Variants in MANBA observed in about 807,000 individuals in gnomAD.
The protein encoded by MANBA is beta-mannosidase.
Under a neutral mutation model 111.1 loss-of-function variants are expected in MANBA, and 83 were observed. The ratio of observed to expected loss-of-function variants is 0.75; its 90% CI spans 0.63 to 0.90. The LOEUF (loss-of-function observed/expected upper bound fraction) is 0.90, where lower values mean the gene tolerates loss of function less well. Among genes scored for constraint, MANBA ranks in the 40% least tolerant of loss-of-function variants. The pLI is 0.00. For missense variants in MANBA, 1,036 were observed against 1,069.0 expected (o/e 0.97, Z 0.43); for synonymous variants, 370 against 378.7 (o/e 0.98, Z 0.27).
intron 1 of MANBA, chr4:102,730,186 T>G (rs1578945737): frequency 1.2e-6 from 1 of 805,350 alleles, no homozygotes; most frequent in Non-Finnish European, 1.9e-6. Flanking sequence ...GAGGCAGGAG[T>G]GGGGGCAGGA....
chr4:102,735,289 G>A (rs1723173348), intron 1 of MANBA, among the ~76,000 whole-genome samples: 1 of 152,066 alleles, frequency 6.6e-6, no homozygotes, highest in Admixed American at 6.5e-5. Flanking sequence ...CTTCTGAAAT[G>A]GGAGGCTCAT....
At chr4:102,683,125 A>T (rs956393011) in intron 7 of MANBA, among the ~76,000 whole-genome samples, 14 of 152,036 alleles carry the variant, frequency 9.2e-5, no homozygotes, top group Non-Finnish European at 1.9e-4. Context: ...TGCAATTTGC[A>T]AAGATGAAGA....
intron 8 of MANBA, among the ~76,000 whole-genome samples, chr4:102,673,688 C>A (rs748587877): frequency 6.6e-6 from 1 of 152,106 alleles, no homozygotes; most frequent in African/African-American, 2.4e-5. Context: ...TTCTAAAAAT[C>A]GAATGGCTTC....
chr4:102,659,612 A>T (rs1339285082), intron 11 of MANBA, among the ~76,000 whole-genome samples: 1 of 152,102 alleles, frequency 6.6e-6, no homozygotes, highest in African/African-American at 2.4e-5. Flanking sequence ...TCCTAATAAA[A>T]AGTCCCTTTG....
chr4:102,753,636 GAC>G, intron 1 of MANBA: 1 of 153,154 alleles, frequency 6.5e-6, no homozygotes, highest in South Asian at 2.0e-4. Flanking sequence ...AACTACCAAA[GAC>G]AGAAACAATC....
In MANBA at chr4:102,674,027, C is replaced by G; in HGVS notation, c.1004G>C (p.Gly335Ala). ...GAAATAGAAACTCAAACCAGGAGAC[C>G]CTTTTATAGGCTCTTCTATAAGTTC... is the stretch of plus-strand genomic sequence containing the variant. The part of the protein sequence containing the change: ...TVELIEEPIK[G>A]SPGLSFYFKI... Residue 335 changes from glycine (G) to alanine (A), a missense_variant, in exon 8 of 17, where the codon GGG (glycine) becomes GCG (alanine). Transcript: ENST00000647097. 7.5e-6 allele frequency: 12 copies of G among 1,603,930 alleles called. No homozygotes were observed. The highest frequency in any genetic ancestry group is 1.0e-5 in the Non-Finnish European group (12 of 1,170,948).
rs759184639 is a variant in MANBA, at chr4:102,723,935, C to CCCT, written c.302_304dup (p.Glu101dup). The stretch of plus-strand genomic sequence containing the variant: ...CAGGATTTTTGAAACCGTATCCACT[C>CCCT]CCTCAAGAATCAAATTTACTTTTTG... On this transcript the variant is annotated inframe_insertion, in exon 3 of 17. Coordinates refer to ENST00000647097, the MANE Select transcript of MANBA (RefSeq NM_005908.4). 6.2e-7 allele frequency: 1 copy of CCCT among 1,610,724 alleles called. No homozygotes were observed. Among genetic ancestry groups the CCCT allele is most frequent in the Non-Finnish European group, 8.5e-7 (1 of 1,177,584 alleles).
intron 1 of MANBA, chr4:102,727,917 G>T: frequency 2.0e-6 from 1 of 490,458 alleles, no homozygotes; most frequent in African/African-American, 2.0e-5. Context: ...GAGAATGGAG[G>T]CCTCTTTGCA....
At position 102,664,765 on chromosome 4, in the gene MANBA, T is replaced by C. The variant is rs377480793; in HGVS notation, c.1405A>G (p.Ile469Val). 81 of 1,609,826 alleles carry C rather than the reference T, an allele frequency of 5.0e-5. No homozygotes were observed. Among genetic ancestry groups the C allele is most frequent in the Non-Finnish European group, 6.9e-5 (81 of 1,176,106 alleles). Residue 469 changes from isoleucine (I) to valine (V), a missense_variant, in exon 11 of 17, where the codon ATC (isoleucine) becomes GTC (valine). By Grantham distance (29) the Ile-to-Val change is conservative (BLOSUM62 3). Coordinates refer to ENST00000647097, the MANE Select transcript of MANBA (RefSeq NM_005908.4). ...EEALMMNWYHISFTDRPIYIK... is the reference protein window; with the variant it reads ...EEALMMNWYHVSFTDRPIYIK... ...TAGATTGGCCGGTCAGTGAAACTGA[T>C]ATGATACCAATTCATCATCAGCGCC...
intron 5 of MANBA, among the ~76,000 whole-genome samples, chr4:102,698,301 T>G (rs947873310): frequency 6.6e-6 from 1 of 151,908 alleles, no homozygotes; most frequent in South Asian, 2.1e-4. Flanking sequence ...TCCCATTTTG[T>G]GGGTTGCCTG....
chr4:102,660,369 T>C (rs1480090724), intron 11 of MANBA, among the ~76,000 whole-genome samples: 2 of 152,094 alleles, frequency 1.3e-5, no homozygotes, highest in African/African-American at 4.8e-5. Context: ...AAAATAAATA[T>C]ATCACCTACA....
intron 5 of MANBA, among the ~76,000 whole-genome samples, chr4:102,701,703 C>G (rs1733056684): frequency 6.6e-6 from 1 of 152,048 alleles, no homozygotes; most frequent in Non-Finnish European, 1.5e-5. Context: ...TCTCTTCTGG[C>G]TTGTAGAGTT....
intron 1 of MANBA, among the ~76,000 whole-genome samples, chr4:102,742,013 C>A (rs1241528086): frequency 2.6e-5 from 4 of 152,154 alleles, no homozygotes; most frequent in Non-Finnish European, 5.9e-5. Context: ...TGACCTTAAT[C>A]TCAGGGCATG....
intron 1 of MANBA, chr4:102,734,239 T>C: frequency 1.1e-6 from 1 of 950,130 alleles, no homozygotes; most frequent in East Asian, 2.7e-5. Flanking sequence ...GTACTTTCTG[T>C]TCAATTTTGC....
At chr4:102,639,573 A>G in intron 14 of MANBA, 140 bp downstream of exon 14, 1 of 1,148,276 alleles carries the variant, frequency 8.7e-7, no homozygotes, top group South Asian at 1.3e-5. Flanking sequence ...TGTAGTTCCT[A>G]GGCAGGCTTT....
chr4:102,727,788 G>C lies in MANBA; in HGVS notation c.178-1105C>G. 3 of 676,468 alleles carry C rather than the reference G, an allele frequency of 4.4e-6. No homozygotes were observed. In the South Asian group the frequency reaches 5.1e-5, roughly 11 times the overall value. The allele number at this position is 676,468 out of a possible 1,614,324, so 41.9% of individuals were successfully genotyped here. ...TTGTTCAAAGGCATTTCTTGCAGTG[G>C]TGCTTTTAAAACATTCTGATGGAGA... On this transcript the variant is annotated intron_variant, in intron 1 of 16. Transcript: ENST00000647097.
At position 102,714,495 on chromosome 4, in the gene MANBA, T is replaced by C. The variant is rs142300694; in HGVS notation, c.616A>G (p.Arg206Gly). 3.1e-6 allele frequency: 5 copies of C among 1,603,742 alleles called. No individual in the cohort carries two copies. The Admixed American group carries it at 5.0e-5, about 16-fold the overall frequency. ...FPTQGIWKDV[R>G]IEAYNICHLN... The stretch of plus-strand genomic sequence containing the variant: ...TGACAAATATTATAGGCTTCAATTC[T>C]AACATCTTTCCAGATTCCCTGGGTA... The change falls in exon 5 of 17, where the codon AGA (arginine) becomes GGA (glycine). Residue 206 changes from arginine to glycine, a missense_variant. Physicochemically the swap from Arg to Gly is moderately radical, Grantham distance 125. Transcript: ENST00000647097.
intron 5 of MANBA, among the ~76,000 whole-genome samples, chr4:102,697,558 C>G (rs2110252106): frequency 7.4e-6 from 1 of 135,762 alleles, no homozygotes; most frequent in East Asian, 2.3e-4. Flanking sequence ...CTTCCTGTGT[C>G]CATGTGTTCT....
chr4:102,681,397 A>G (rs1731969422), intron 7 of MANBA: 2 of 152,176 alleles, frequency 1.3e-5, no homozygotes, highest in African/African-American at 4.8e-5. Context: ...CCCCTACTAA[A>G]GCATACCACT....
Sources: gnomAD v4.1 joint callset for allele counts (sites outside exome capture counted in the v4.1 genomes callset) on GRCh38, gnomAD v4.1.1 for gene constraint, MANE v1.5 for transcripts, NCBI Gene and HGNC (gene_info 2026-07-23, HGNC 2026-07-21) for gene names.